Variants in SHROOM3 observed in about 807,000 individuals in gnomAD.
The protein encoded by SHROOM3 is shroom family member 3, also known as protein Shroom3.
A neutral mutation model predicts 138.6 loss-of-function variants in SHROOM3; 47 were observed. That is an observed-to-expected ratio of 0.34 (90% CI 0.27 to 0.43). SHROOM3 has a LOEUF of 0.43. Ranked by LOEUF, SHROOM3 falls within the 20% of genes least tolerant of loss-of-function variation. The probability of loss-of-function intolerance (pLI) is 1.00; values close to 1 mark genes in which losing one functional copy is unlikely to be tolerated. For synonymous variants in SHROOM3, 1,062 were observed against 1,063.3 expected (o/e 1.00, Z 0.02); for missense variants, 2,491 against 2,596.5 (o/e 0.96, Z 0.88).
In SHROOM3 at chr4:76,541,852, G is replaced by T. The variant is rs57783352; in HGVS notation, c.169-13757G>T. Among the ~76,000 whole-genome samples the T allele has an allele frequency of 5.1e-3, 772 of 152,230 alleles. 9 individuals are homozygous for T. The highest frequency in any genetic ancestry group is 0.018 in the African/African-American group (730 of 41,540). On this transcript the variant is annotated intron_variant, in intron 1 of 10. Transcript: ENST00000296043. ...TCAATTTGGAGTGCAGCGGCCTCTT[G>T]TCTGTCAATCCTGTTTGCTGAACCT... is the stretch of plus-strand genomic sequence containing the variant.
At chr4:76,557,090 C>T (rs912867965) in intron 2 of SHROOM3, among the ~76,000 whole-genome samples, 6 of 152,130 alleles carry the variant, frequency 3.9e-5, no homozygotes, top group African/African-American at 1.4e-4. Context: ...TACTTAACCT[C>T]ACTGAAAATT....
At chr4:76,756,323 A>G (rs1721808492) in intron 7 of SHROOM3, 126 bp from the exon 8 acceptor site, 1 of 1,127,412 alleles carries the variant, frequency 8.9e-7, no homozygotes, top group African/African-American at 1.6e-5. Flanking sequence ...AAGATGTGGA[A>G]AGCTACAGCC....
At chr4:76,518,340 G>A (rs1732487295) in intron 1 of SHROOM3, among the ~76,000 whole-genome samples, 1 of 152,058 alleles carries the variant, frequency 6.6e-6, no homozygotes, top group Admixed American at 6.6e-5. Flanking sequence ...CACCTAATAT[G>A]CACTCCATAA....
intron 2 of SHROOM3, among the ~76,000 whole-genome samples, chr4:76,683,687 A>C (rs988680550): frequency 1.3e-5 from 2 of 152,158 alleles, no homozygotes; most frequent in African/African-American, 4.8e-5. Flanking sequence ...ATGCCTCAGC[A>C]TAAGAAAGGA....
chr4:76,514,419 C>A (rs1171485223), intron 1 of SHROOM3, among the ~76,000 whole-genome samples: 4 of 152,166 alleles, frequency 2.6e-5, no homozygotes, highest in African/African-American at 9.7e-5. Flanking sequence ...TGATTCCACT[C>A]ATATGAAATG....
At chr4:76,535,685 A>T (rs1325812005) in intron 1 of SHROOM3, among the ~76,000 whole-genome samples, 1 of 152,210 alleles carries the variant, frequency 6.6e-6, no homozygotes, top group East Asian at 1.9e-4. Context: ...TCAGCCCCTC[A>T]CTTATGGTTC....
At position 76,710,152 on chromosome 4, in the gene SHROOM3, A is replaced by G. The variant is rs1720188975; in HGVS notation, c.324-4A>G. 1 of 1,613,906 alleles carries G rather than the reference A, an allele frequency of 6.2e-7. No homozygotes were observed. Among genetic ancestry groups the G allele is most frequent in the Non-Finnish European group, 8.5e-7 (1 of 1,179,956 alleles). Reference sequence around the variant, plus strand: ...TCAGCTTCTTCTTTTCCTATTGTTGACAGAGATGTGTGCACAGACCCAGGC... The same window carrying G: ...TCAGCTTCTTCTTTTCCTATTGTTGGCAGAGATGTGTGCACAGACCCAGGC... On this transcript the variant is annotated splice_region_variant and splice_polypyrimidine_tract_variant and intron_variant, in intron 2 of 10. Transcript: ENST00000296043.
intron 1 of SHROOM3, among the ~76,000 whole-genome samples, chr4:76,547,780 A>G (rs113625218): frequency 0.16 from 23,959 of 151,966 alleles, 1,947 homozygotes; most frequent in South Asian, 0.23. Context: ...AGATACAAAA[A>G]TTAACTGGAT....
chr4:76,644,001 C>T (rs55705057), intron 2 of SHROOM3, among the ~76,000 whole-genome samples: 14 of 151,876 alleles, frequency 9.2e-5, no homozygotes, highest in African/African-American at 2.9e-4. Context: ...TGTGCCACCA[C>T]GCCTGGCTAA....
chr4:76,755,303 A>G (rs894637431), intron 7 of SHROOM3, 111 bp downstream of exon 7: 8 of 1,300,300 alleles, frequency 6.2e-6, no homozygotes, highest in East Asian at 5.0e-5. Context: ...AGATGTTTCT[A>G]TACAGCTCAG....
chr4:76,542,087 A>T (rs4277797), intron 1 of SHROOM3, among the ~76,000 whole-genome samples: 131,047 of 152,174 alleles, frequency 0.86, 56,763 homozygotes, highest in South Asian at 0.92. Flanking sequence ...AACAGCATTT[A>T]TTGATCCCTG....
chr4:76,493,224 C>CAAAAAA (rs35837765), intron 1 of SHROOM3, among the ~76,000 whole-genome samples: 17 of 56,484 alleles, frequency 3.0e-4, no homozygotes, highest in African/African-American at 7.5e-4. Context: ...AACTCCATCT[C>CAAAAAA]AAAAAAAAAA....
chr4:76,672,452 C>T (rs932999598), intron 2 of SHROOM3, among the ~76,000 whole-genome samples: 1 of 149,704 alleles, frequency 6.7e-6, no homozygotes, highest in Non-Finnish European at 1.5e-5. Flanking sequence ...TACCGTTTCT[C>T]TCTGCTCACC....
intron 2 of SHROOM3, among the ~76,000 whole-genome samples, chr4:76,699,498 A>G (rs915135336): frequency 6.6e-6 from 1 of 152,202 alleles, no homozygotes; most frequent in Non-Finnish European, 1.5e-5. Flanking sequence ...GCTCATAGCA[A>G]TTACAGAGAC....
intron 1 of SHROOM3, among the ~76,000 whole-genome samples, chr4:76,533,741 A>G (rs149852550): frequency 2.8e-3 from 423 of 152,350 alleles, no homozygotes; most frequent in Middle Eastern, 0.017. Context: ...TTTGGATGTA[A>G]AAAATAATAA....
At chr4:76,677,268 T>C (rs1719066787) in intron 2 of SHROOM3, among the ~76,000 whole-genome samples, 1 of 152,194 alleles carries the variant, frequency 6.6e-6, no homozygotes, top group South Asian at 2.1e-4. Context: ...CTTTGTCCTC[T>C]TATTAAAATA....
chr4:76,697,198 G>C (rs1200324472), intron 2 of SHROOM3, among the ~76,000 whole-genome samples: 1 of 151,558 alleles, frequency 6.6e-6, no homozygotes, highest in Non-Finnish European at 1.5e-5. Context: ...AAAACACTGG[G>C]ATTAAGGTGT....
At chr4:76,699,266 A>C (rs1233821068) in intron 2 of SHROOM3, among the ~76,000 whole-genome samples, 1 of 152,168 alleles carries the variant, frequency 6.6e-6, no homozygotes, top group Admixed American at 6.5e-5. Context: ...TTTATTCTAC[A>C]CCAATTCCAA....
At chr4:76,754,079 T>G (rs1363724413) in intron 6 of SHROOM3, among the ~76,000 whole-genome samples, 5 of 152,218 alleles carry the variant, frequency 3.3e-5, no homozygotes, top group African/African-American at 1.2e-4. Context: ...AAATGCCTTG[T>G]GAACCCAGTC....
Sources: allele counts gnomAD v4.1 joint callset (sites outside exome capture counted in the v4.1 genomes callset), GRCh38; gene constraint gnomAD v4.1.1; transcripts MANE v1.5; gene names NCBI Gene and HGNC (gene_info 2026-07-23, HGNC 2026-07-21).